ZNF518A: variants seen among roughly 807,000 people sequenced by gnomAD.
The protein encoded by ZNF518A is zinc finger protein 518A.
Under a neutral mutation model 102.7 loss-of-function variants are expected in ZNF518A, and 47 were observed. The observed-to-expected ratio is 0.46, with a 90% confidence interval of 0.36 to 0.58. The LOEUF is 0.58. Among genes scored for constraint, ZNF518A ranks in the 20% least tolerant of loss-of-function variants. The pLI, the probability that ZNF518A is intolerant of heterozygous loss-of-function variation, is 0.00. For synonymous variants in ZNF518A, 652 were observed against 594.6 expected (o/e 1.10, Z -1.40); for missense variants, 1,793 against 1,699.8 (o/e 1.05, Z -0.96).
intron 1 of ZNF518A, among the ~76,000 whole-genome samples, chr10:96,201,450 AAT>A (rs1323213630): frequency 6.6e-6 from 1 of 152,230 alleles, no homozygotes; most frequent in African/African-American, 2.4e-5. Context: ...TTGTTTGGAA[AAT>A]ATAGTTATTT....
chr10:96,160,976 A>T lies in ZNF518A; in HGVS notation c.*202A>T. 1 of 518,918 alleles carries T rather than the reference A, an allele frequency of 1.9e-6. No individual in the cohort carries two copies. The highest frequency in any genetic ancestry group is 3.2e-6 in the Non-Finnish European group (1 of 310,946). The allele number at this position is 518,918 out of a possible 1,614,324, so 32.1% of individuals were successfully genotyped here. A position where few individuals can be genotyped will look rare whatever the true frequency, so the allele number is the denominator to read the frequency against. On this transcript the variant is annotated 3_prime_UTR_variant, in exon 6 of 6. Transcript: ENST00000316045. ...TATCCCTGCACTCAAAAGTTTTGAA[A>T]GAAACTAATCACAGCACAGAAGTAC...
In ZNF518A at chr10:96,158,995, G is replaced by A; in HGVS notation, c.2673G>A (p.Gln891=). 6.2e-7 allele frequency: 1 copy of A among 1,613,598 alleles called. No homozygotes were observed. The highest frequency in any genetic ancestry group is 1.1e-5 in the South Asian group (1 of 91,054). ...GTTTTGGCACATTACTTAAGACTCA[G>A]TCAGATGCGATAATAACACAGCAGC... ...ISGFGTLLKT[Q]SDAIITQQLV... Residue 891 remains glutamine, a synonymous_variant, in exon 6 of 6, where the codon CAG becomes CAA. Transcript: ENST00000316045.
intron 1 of ZNF518A, among the ~76,000 whole-genome samples, chr10:96,179,735 A>G (rs1480085329): frequency 6.6e-6 from 1 of 151,774 alleles, no homozygotes; most frequent in Non-Finnish European, 1.5e-5. Flanking sequence ...AAAAAATAAC[A>G]CTTTTGAATC....
At chr10:96,153,664 T>A (rs2082556875) in intron 3 of ZNF518A, among the ~76,000 whole-genome samples, 1 of 152,238 alleles carries the variant, frequency 6.6e-6, no homozygotes, top group African/African-American at 2.4e-5. Flanking sequence ...CTTTTATCCT[T>A]ACTGTTATGC....
Position 96,159,137 on chromosome 10 carries a change from T to C in ZNF518A, c.2815T>C (p.Leu939=), listed in dbSNP as rs1554885539. 4.3e-6 allele frequency: 7 copies of C among 1,612,780 alleles called. No individual in the cohort carries two copies. ...TIIVQTSKGF[L]IPLNITNKPG... The stretch of plus-strand genomic sequence containing the variant: ...AATTGTTCAGACTTCAAAAGGATTC[T>C]TAATACCATTGAACATTACTAACAA... Residue 939 remains leucine (L), a synonymous_variant, in exon 6 of 6, where the codon TTA becomes CTA. Coordinates refer to ENST00000316045, the MANE Select transcript of ZNF518A (RefSeq NM_001330736.2).
intron 3 of ZNF518A, among the ~76,000 whole-genome samples, chr10:96,139,363 G>A (rs782609356): frequency 7.9e-5 from 12 of 152,120 alleles, no homozygotes; most frequent in African/African-American, 2.9e-4. Flanking sequence ...GCATTTGGAA[G>A]TGGGGCCTTT....
intron 1 of ZNF518A, among the ~76,000 whole-genome samples, chr10:96,194,795 G>C (rs1211318039): frequency 6.4e-5 from 4 of 62,124 alleles, no homozygotes; most frequent in African/African-American, 1.8e-4. Flanking sequence ...TTTTGAGACG[G>C]AGTCTCGCTC....
chr10:96,151,263 TGA>T, intron 3 of ZNF518A: 1 of 152,340 alleles, frequency 6.6e-6, no homozygotes, highest in Admixed American at 6.5e-5. Flanking sequence ...AAGGGGAAGT[TGA>T]GAGTTAACCT....
At chr10:96,147,544 A>AT (rs1210590058) in intron 3 of ZNF518A, among the ~76,000 whole-genome samples, 2 of 151,862 alleles carry the variant, frequency 1.3e-5, no homozygotes, top group African/African-American at 4.8e-5. Flanking sequence ...AAATTTTGAG[A>AT]TTTTGCATGT....
rs1325015836 is a variant in ZNF518A at position 96,162,031 on chromosome 10, G to C, written c.*1257G>C. On this transcript the variant is annotated 3_prime_UTR_variant, in exon 6 of 6. Transcript: ENST00000316045. ...TGGATCAAATTTTGCTGGTTCTTTG[G>C]ATAATGGAGTTCTTGTGTTAACAAA... The C allele has an allele frequency of 3.0e-5, 5 of 166,884 alleles. No individual in the cohort carries two copies. Among genetic ancestry groups the C allele is most frequent in the African/African-American group, 1.2e-4 (5 of 41,408 alleles). The allele number at this position is 166,884 out of a possible 1,614,324, so 10.3% of individuals were successfully genotyped here. A position where few individuals can be genotyped will look rare whatever the true frequency, so the allele number is the denominator to read the frequency against.
In ZNF518A at chr10:96,159,738, C is replaced by T. The variant is rs1168396491; in HGVS notation, c.3416C>T (p.Thr1139Ile). ...ATACAGCCAAAGAAACCTGAAGGAA[C>T]ACCACAAAGAATATTGCTGAAAATT... ...QNIQPKKPEGTPQRILLKIFN... is the reference protein window; with the variant it reads ...QNIQPKKPEGIPQRILLKIFN... The change falls in exon 6 of 6, where the codon ACA becomes ATA. Residue 1139 changes from threonine to isoleucine, a missense_variant. Physicochemically the swap from Thr to Ile is moderately conservative, Grantham distance 89 (BLOSUM62 -1). Coordinates refer to ENST00000316045, the MANE Select transcript of ZNF518A (RefSeq NM_001330736.2). 1 of 1,613,176 alleles carries T rather than the reference C, an allele frequency of 6.2e-7. No homozygotes were observed. Among genetic ancestry groups the T allele is most frequent in the Non-Finnish European group, 8.5e-7 (1 of 1,179,760 alleles).
At position 96,160,074 on chromosome 10, in the gene ZNF518A, C is replaced by T. The variant is rs1554886824; in HGVS notation, c.3752C>T (p.Ser1251Phe). 6.2e-7 allele frequency: 1 copy of T among 1,608,474 alleles called. No individual in the cohort carries two copies. The highest frequency in any genetic ancestry group is 2.2e-5 in the East Asian group (1 of 44,818). ...AGGAACTTCAATAGAAAAAAGACTT[C>T]CAAAAAAATTTTTTCAAAAACAAAA... ...IERNFNRKKT[S>F]KKIFSKTKTH... The change falls in exon 6 of 6, where the codon TCC (serine) becomes TTC (phenylalanine). Residue 1251 changes from serine to phenylalanine, a missense_variant. Around this residue, in one of 3 missense-constraint regions of ZNF518A, gnomAD observed 1,741 missense variants for 1,622.6 expected, o/e 1.07. Transcript: ENST00000316045.
At position 96,156,934 on chromosome 10, in the gene ZNF518A, T is replaced by A. The variant is rs1554882872; in HGVS notation, c.612T>A (p.Asn204Lys). 6.2e-7 allele frequency: 1 copy of A among 1,613,926 alleles called. No homozygotes were observed. Among genetic ancestry groups the A allele is most frequent in the South Asian group, 1.1e-5 (1 of 91,086 alleles). The change falls in exon 6 of 6, where the codon AAT (asparagine) becomes AAA (lysine). Residue 204 changes from asparagine (N) to lysine (K), a missense_variant. By Grantham distance (94) the Asn-to-Lys change is moderately conservative. Transcript: ENST00000316045. ...ATTTCACATCCACACATTGTGTTAA[T>A]GGTAATTTTCAATGTGAAAAGTGTA... ...TKHFTSTHCV[N>K]GNFQCEKCKF... is the part of the protein sequence containing the mutation.
At chr10:96,152,278 A>ACTCC (rs1340189539) in intron 3 of ZNF518A, among the ~76,000 whole-genome samples, 2 of 152,190 alleles carry the variant, frequency 1.3e-5, no homozygotes, top group African/African-American at 4.8e-5. Flanking sequence ...ACGCCACTGC[A>ACTCC]CTCCAGCCTG....
chr10:96,171,578 G>A (rs782670096), intron 1 of ZNF518A, among the ~76,000 whole-genome samples: 2 of 152,114 alleles, frequency 1.3e-5, no homozygotes, highest in African/African-American at 2.4e-5. Flanking sequence ...TGATAAAAAT[G>A]TTCTAAAATT....
chr10:96,132,370 A>G (rs2081382493), intron 1 of ZNF518A, among the ~76,000 whole-genome samples: 1 of 151,814 alleles, frequency 6.6e-6, no homozygotes, highest in Non-Finnish European at 1.5e-5. Context: ...AAATGAAGAT[A>G]CTGAGTTAGA....
Position 96,158,083 on chromosome 10 carries a change from C to T in ZNF518A, c.1761C>T (p.His587=), listed in dbSNP as rs2082791203. The change falls in exon 6 of 6, where the codon CAC becomes CAT. Residue 587 remains histidine, a synonymous_variant. Transcript: ENST00000316045. Reference sequence around the variant, plus strand: ...GGGGAAATCATCTCACTCAGAGTCACCCCGAGGTATTAGGTACCACCATTA... The same window carrying T: ...GGGGAAATCATCTCACTCAGAGTCATCCCGAGGTATTAGGTACCACCATTA... ...DFWGNHLTQS[H]PEVLGTTIKS... 7 of 1,613,572 alleles carry T rather than the reference C, an allele frequency of 4.3e-6. No homozygotes were observed. Among genetic ancestry groups the T allele is most frequent in the Non-Finnish European group, 5.9e-6 (7 of 1,179,726 alleles).
chr10:96,188,456 G>A (rs2083285619), intron 1 of ZNF518A, among the ~76,000 whole-genome samples: 1 of 152,234 alleles, frequency 6.6e-6, no homozygotes, highest in Non-Finnish European at 1.5e-5. Context: ...CTTGGAGGAG[G>A]AGAGGAAGAA....
Position 96,200,030 on chromosome 10 carries a change from A to T in ZNF518A, n.36-3544A>T. On this transcript the variant is annotated intron_variant and non_coding_transcript_variant, in intron 1 of 2. Coordinates refer to the ZNF518A transcript ENST00000442635. The surrounding 1 kb of genome is among the most constrained non-coding windows in gnomAD (Gnocchi z 4.3). ...CTGCATCATCTCAAAACAAATAAATAAAATAAAATAAAATAAAAATAATAA... is the reference window on the plus strand; with the variant it reads ...CTGCATCATCTCAAAACAAATAAATTAAATAAAATAAAATAAAAATAATAA... 1 of 1,263,366 alleles carries T rather than the reference A, an allele frequency of 7.9e-7. No individual in the cohort carries two copies. The highest frequency in any genetic ancestry group is 1.0e-6 in the Non-Finnish European group (1 of 971,702). The allele number at this position is 1,263,366 out of a possible 1,614,324, so 78.3% of individuals were successfully genotyped here.
Sources: allele counts gnomAD v4.1 joint callset (sites outside exome capture counted in the v4.1 genomes callset), GRCh38; gene constraint gnomAD v4.1.1; regional missense constraint gnomAD v4.1.1; non-coding constraint Gnocchi (gnomAD v3.1); transcripts MANE v1.5; gene names NCBI Gene and HGNC (gene_info 2026-07-23, HGNC 2026-07-21).